Variants in TMEM59 observed in about 807,000 individuals in gnomAD.
TMEM59 encodes the protein transmembrane protein 59, also known as dendritic cell factor 1.
TMEM59 carries 44 observed loss-of-function variants against 42.2 expected under a neutral mutation model. The ratio of observed to expected loss-of-function variants is 1.04; its 90% CI spans 0.82 to 1.34. The LOEUF (loss-of-function observed/expected upper bound fraction) is 1.34, where lower values mean the gene tolerates loss of function less well. Among genes scored for constraint, TMEM59 ranks in the 40% most tolerant of loss-of-function variants. The pLI is 0.00. For synonymous variants in TMEM59, 148 were observed against 145.8 expected, an observed-to-expected ratio of 1.02 and a Z score of -0.11; for missense variants, 359 against 382.8, an observed-to-expected ratio of 0.94 and a Z score of 0.52.
intron 5 of TMEM59, 96 bp from the exon 6 acceptor site, chr1:54,040,933 A>G (rs1367100147): frequency 2.1e-6 from 2 of 969,564 alleles, no homozygotes. Context: ...CAGATATCCA[A>G]TTGTTTTTGT....
intron 7 of TMEM59, among the ~76,000 whole-genome samples, chr1:54,032,933 T>TC (rs1656812921): frequency 6.6e-6 from 1 of 151,700 alleles, no homozygotes; most frequent in African/African-American, 2.4e-5. Context: ...TCTTTTTTTT[T>TC]TTTTTTTAAA....
intron 7 of TMEM59, chr1:54,033,639 T>C (rs1656844451): frequency 6.6e-6 from 1 of 150,564 alleles, no homozygotes; most frequent in Non-Finnish European, 1.5e-5. Flanking sequence ...ATAGATTCTG[T>C]TGTTAATCTA....
At chr1:54,049,695 T>C (rs1041003206) in intron 1 of TMEM59, among the ~76,000 whole-genome samples, 1 of 152,180 alleles carries the variant, frequency 6.6e-6, no homozygotes, top group Non-Finnish European at 1.5e-5. Flanking sequence ...TGGTACTATT[T>C]AGGCCAGGCA....
intron 3 of TMEM59, chr1:54,044,500 T>C (rs1657258952): frequency 6.6e-6 from 1 of 150,798 alleles, no homozygotes; most frequent in South Asian, 2.1e-4. Context: ...TTGTTTCTTT[T>C]TTCATCTGTT....
At chr1:54,040,178 A>T (rs1657089225) in intron 6 of TMEM59, among the ~76,000 whole-genome samples, 1 of 152,174 alleles carries the variant, frequency 6.6e-6, no homozygotes, top group Admixed American at 6.5e-5. Flanking sequence ...TTTGAGACAG[A>T]GTCTCACTCT....
intron 5 of TMEM59, 92 bp downstream of exon 5, chr1:54,041,632 T>C: frequency 2.0e-6 from 2 of 978,202 alleles, no homozygotes; most frequent in African/African-American, 1.6e-5. Context: ...TCTGTTTATG[T>C]TCCATCAGTG....
chr1:54,053,282 C>T (rs1174048600), upstream of TMEM59: 11 of 1,474,936 alleles, frequency 7.5e-6, no homozygotes, highest in Non-Finnish European at 1.0e-5. Flanking sequence ...TCCGCCCCAC[C>T]GACCGTTGCT....
intron 5 of TMEM59, among the ~76,000 whole-genome samples, chr1:54,041,058 T>C (rs185929106): frequency 6.6e-6 from 1 of 152,364 alleles, no homozygotes; most frequent in African/African-American, 2.4e-5. Flanking sequence ...CTTATTGACA[T>C]TGATGCTTTC....
At chr1:54,041,827 T>C (rs1464442454) in intron 4 of TMEM59, 22 bp from the exon 5 acceptor site, 1 of 1,594,160 alleles carries the variant, frequency 6.3e-7, no homozygotes, top group South Asian at 1.1e-5. Flanking sequence ...ATGAAAGCAA[T>C]TAAGTCATTT....
intron 1 of TMEM59, among the ~76,000 whole-genome samples, chr1:54,051,636 G>A (rs1262454295): frequency 6.6e-6 from 1 of 152,116 alleles, no homozygotes; most frequent in Non-Finnish European, 1.5e-5. Context: ...ACAATAGAAA[G>A]TAAGTCTCAA....
intron 1 of TMEM59, chr1:54,048,603 A>C (rs1657423122): frequency 5.1e-6 from 2 of 389,820 alleles, no homozygotes; most frequent in South Asian, 4.0e-5. Context: ...ATAAAATAAA[A>C]GTATTTAAAA....
intron 6 of TMEM59, among the ~76,000 whole-genome samples, chr1:54,038,025 G>A (rs977269485): frequency 6.6e-6 from 1 of 152,050 alleles, no homozygotes; most frequent in African/African-American, 2.4e-5. Flanking sequence ...ATTATCTCCT[G>A]TTCTTATCTA....
At chr1:54,039,717 G>A (rs1657075313) in intron 6 of TMEM59, among the ~76,000 whole-genome samples, 1 of 152,100 alleles carries the variant, frequency 6.6e-6, no homozygotes, top group Admixed American at 6.6e-5. Flanking sequence ...CTATAAAGCA[G>A]AAACTTGTTT....
At chr1:54,046,189 A>ATTTT (rs1349821646) in intron 2 of TMEM59, among the ~76,000 whole-genome samples, 2 of 152,254 alleles carry the variant, frequency 1.3e-5, no homozygotes, top group African/African-American at 4.8e-5. Context: ...TGTGTAAAAT[A>ATTTT]GAAATACCAC....
At chr1:54,042,264 CA>C (rs1657166427) in intron 4 of TMEM59, among the ~76,000 whole-genome samples, 1 of 152,012 alleles carries the variant, frequency 6.6e-6, no homozygotes, top group Non-Finnish European at 1.5e-5. Flanking sequence ...AAATTACAGC[CA>C]AACACTCCAT....
chr1:54,051,969 CT>C (rs1657556633), intron 1 of TMEM59, among the ~76,000 whole-genome samples: 1 of 152,152 alleles, frequency 6.6e-6, no homozygotes, highest in African/African-American at 2.4e-5. Flanking sequence ...ATGGAACATC[CT>C]AAGCTTCACT....
chr1:54,037,079 T>C (rs562336909), intron 6 of TMEM59, among the ~76,000 whole-genome samples: 2 of 152,234 alleles, frequency 1.3e-5, no homozygotes, highest in African/African-American at 2.4e-5. Context: ...GTTATTACGA[T>C]ACTTGCTTTA....
intron 3 of TMEM59, 191 bp from the exon 4 acceptor site, chr1:54,043,716 G>C: frequency 3.9e-6 from 1 of 257,704 alleles, no homozygotes; most frequent in Non-Finnish European, 6.7e-6. Flanking sequence ...AAAAACCAAG[G>C]ATACTTTAAT....
At chr1:54,046,373 T>C (rs957021781) in intron 2 of TMEM59, among the ~76,000 whole-genome samples, 1 of 152,092 alleles carries the variant, frequency 6.6e-6, no homozygotes, top group South Asian at 2.1e-4. Context: ...AACTAGAAAA[T>C]GTTCTACAGC....
Sources: allele counts gnomAD v4.1 joint callset (sites outside exome capture counted in the v4.1 genomes callset), GRCh38; gene constraint gnomAD v4.1.1; transcripts MANE v1.5; gene names NCBI Gene and HGNC (gene_info 2026-07-23, HGNC 2026-07-21).